Variants in L3MBTL4 observed in about 807,000 individuals in gnomAD.
L3MBTL4 encodes L3MBTL histone methyl-lysine binding protein 4, also known as lethal(3)malignant brain tumor-like protein 4.
L3MBTL4 carries 70 observed loss-of-function variants against 84.5 expected under a neutral mutation model. The ratio of observed to expected loss-of-function variants is 0.83; its 90% CI spans 0.68 to 1.01. L3MBTL4 has a LOEUF of 1.01. Among genes scored for constraint, L3MBTL4 ranks in the 50% least tolerant of loss-of-function variants. The probability of loss-of-function intolerance (pLI) is 0.00; values close to 1 mark genes in which losing one functional copy is unlikely to be tolerated. For missense variants in L3MBTL4, 715 were observed against 754.8 expected, an observed-to-expected ratio of 0.95 and a Z score of 0.62; for synonymous variants, 274 against 259.8, an observed-to-expected ratio of 1.05 and a Z score of -0.52.
chr18:6,272,248 T>C (rs1006942880), intron 4 of L3MBTL4, among the ~76,000 whole-genome samples: 2 of 151,666 alleles, frequency 1.3e-5, no homozygotes, highest in African/African-American at 4.8e-5. Flanking sequence ...AAAAGGCGGG[T>C]GGTGAATGAG....
intron 1 of L3MBTL4, among the ~76,000 whole-genome samples, chr18:6,383,252 G>T (rs897938939): frequency 1.4e-4 from 22 of 152,050 alleles, no homozygotes; most frequent in South Asian, 4.2e-4. Context: ...TGGGCTCCGT[G>T]GGGGTAGGAC....
At chr18:6,234,269 G>T (rs1364013025) in intron 10 of L3MBTL4, among the ~76,000 whole-genome samples, 1 of 152,156 alleles carries the variant, frequency 6.6e-6, no homozygotes, top group Non-Finnish European at 1.5e-5. Context: ...AGGACTTCAT[G>T]TCTAAAACAC....
chr18:6,194,941 A>C (rs762780060), intron 12 of L3MBTL4, among the ~76,000 whole-genome samples: 1 of 152,228 alleles, frequency 6.6e-6, no homozygotes, highest in Non-Finnish European at 1.5e-5. Context: ...GACCTACATG[A>C]AATTGAAGTT....
intron 12 of L3MBTL4, among the ~76,000 whole-genome samples, chr18:6,172,645 C>A (rs1218050433): frequency 6.6e-6 from 1 of 152,064 alleles, no homozygotes; most frequent in Admixed American, 6.6e-5. Flanking sequence ...ATCTTATCTG[C>A]AAAACACACA....
chr18:6,011,234 A>G (rs753905251), intron 16 of L3MBTL4, among the ~76,000 whole-genome samples: 1 of 152,224 alleles, frequency 6.6e-6, no homozygotes, highest in Non-Finnish European at 1.5e-5. Context: ...CTGAAAATAC[A>G]CAAGAAGACA....
intron 17 of L3MBTL4, 40 bp from the exon 18 acceptor site, chr18:5,960,196 CT>C (rs2144655546): frequency 7.6e-7 from 1 of 1,315,014 alleles, no homozygotes; most frequent in East Asian, 2.4e-5. Flanking sequence ...ATACATGCAC[CT>C]GAAATAATTT....
intron 4 of L3MBTL4, among the ~76,000 whole-genome samples, chr18:6,293,008 C>T (rs775363940): frequency 3.3e-5 from 5 of 152,186 alleles, no homozygotes; most frequent in Admixed American, 6.5e-5. Flanking sequence ...AAACCTCCAA[C>T]CTTCTCTTTG....
At chr18:6,020,030 T>C (rs1368915645) in intron 16 of L3MBTL4, among the ~76,000 whole-genome samples, 1 of 152,154 alleles carries the variant, frequency 6.6e-6, no homozygotes, top group Non-Finnish European at 1.5e-5. Flanking sequence ...AATGCAGATA[T>C]AGGGAGGAAC....
At chr18:6,212,748 A>T (rs937266402) in intron 12 of L3MBTL4, among the ~76,000 whole-genome samples, 1 of 152,218 alleles carries the variant, frequency 6.6e-6, no homozygotes, top group African/African-American at 2.4e-5. Context: ...CAAAACAGCA[A>T]ATCCAAACAG....
intron 16 of L3MBTL4, among the ~76,000 whole-genome samples, chr18:6,073,140 T>C (rs559452688): frequency 6.7e-6 from 1 of 150,156 alleles, no homozygotes; most frequent in East Asian, 2.0e-4. Context: ...CAGGATTAAT[T>C]GAAACAGACA....
At position 6,066,821 on chromosome 18, in the gene L3MBTL4, A is replaced by G. The variant is rs926927752; in HGVS notation, c.1444+14060T>C. Among the ~76,000 whole-genome samples the G allele has an allele frequency of 9.3e-5, 14 of 151,350 alleles. No individual in the cohort carries two copies. The Middle Eastern group carries it at 0.017, about 189-fold the overall frequency. On this transcript the variant is annotated intron_variant, in intron 16 of 18. Coordinates refer to ENST00000317931, the MANE Select transcript of L3MBTL4 (RefSeq NM_001330559.2). ...TTTTTTATGCATTCTGCCATTCTGT[A>G]TCTTTTAAGTAGAACACTTAGGCCG...
At chr18:5,984,659 T>C (rs940024389) in intron 16 of L3MBTL4, among the ~76,000 whole-genome samples, 1 of 152,240 alleles carries the variant, frequency 6.6e-6, no homozygotes, top group Non-Finnish European at 1.5e-5. Flanking sequence ...CCCACCTTGA[T>C]ACATTATTTC....
intron 1 of L3MBTL4, among the ~76,000 whole-genome samples, chr18:6,339,784 G>C (rs895086630): frequency 6.6e-6 from 1 of 151,974 alleles, no homozygotes; most frequent in African/African-American, 2.4e-5. Flanking sequence ...ATATATTAAA[G>C]ACGTAATAAA....
At chr18:6,029,715 T>C (rs1242572878) in intron 16 of L3MBTL4, 10 of 984,994 alleles carry the variant, frequency 1.0e-5, no homozygotes, top group Admixed American at 6.1e-5. Context: ...AAATTAAAAG[T>C]TAAATCATAA....
At chr18:6,095,625 C>A (rs960947532) in intron 14 of L3MBTL4, among the ~76,000 whole-genome samples, 1 of 152,162 alleles carries the variant, frequency 6.6e-6, no homozygotes, top group Non-Finnish European at 1.5e-5. Context: ...GCTGGGATTA[C>A]AAGCGTGAGC....
At chr18:6,293,979 A>T (rs1192518115) in intron 4 of L3MBTL4, among the ~76,000 whole-genome samples, 2 of 152,178 alleles carry the variant, frequency 1.3e-5, no homozygotes, top group African/African-American at 4.8e-5. Flanking sequence ...ATGTTACTGG[A>T]GTAACTGGTG....
intron 16 of L3MBTL4, among the ~76,000 whole-genome samples, chr18:6,028,034 TG>T (rs2055592434): frequency 6.6e-6 from 1 of 152,214 alleles, no homozygotes; most frequent in African/African-American, 2.4e-5. Flanking sequence ...GAAGCTCTTT[TG>T]TTTGACTAGA....
chr18:6,289,384 C>G (rs57622455), intron 4 of L3MBTL4, among the ~76,000 whole-genome samples: 28,744 of 152,052 alleles, frequency 0.19, 2,855 homozygotes, highest in African/African-American at 0.24. Flanking sequence ...AAAATTACAA[C>G]AGGTTTTGAT....
rs374554812 is a variant in L3MBTL4 at position 6,280,117 on chromosome 18, T to G, written c.128-16079A>C. 1.2e-4 allele frequency among the ~76,000 whole-genome samples: 19 copies of G among 152,344 alleles called. No individual in the cohort carries two copies. The East Asian group carries it at 3.7e-3, about 29-fold the overall frequency. On this transcript the variant is annotated intron_variant, in intron 4 of 18. Coordinates refer to ENST00000317931, the MANE Select transcript of L3MBTL4 (RefSeq NM_001330559.2). ...CAAAACACTAGTCATTCTCAATGAA[T>G]GTAAATTTAAAATCCGTAAAGGAAC...
Sources: gnomAD v4.1 joint callset for allele counts (sites outside exome capture counted in the v4.1 genomes callset) on GRCh38, gnomAD v4.1.1 for gene constraint, MANE v1.5 for transcripts, NCBI Gene and HGNC (gene_info 2026-07-23, HGNC 2026-07-21) for gene names.